Variants in GAREM1 observed in about 807,000 individuals in gnomAD.
The protein encoded by GAREM1 is GRB2-associated and regulator of MAPK protein 1.
A neutral mutation model predicts 71.3 loss-of-function variants in GAREM1; 26 were observed. The ratio of observed to expected loss-of-function variants is 0.36; its 90% CI spans 0.27 to 0.51. The LOEUF is 0.51. GAREM1 is among the 20% of genes least tolerant of loss of function. GAREM1 has a pLI of 0.95. For synonymous variants in GAREM1, 440 were observed against 433.2 expected, an observed-to-expected ratio of 1.02 and a Z score of -0.20; for missense variants, 1,026 against 1,103.1, an observed-to-expected ratio of 0.93 and a Z score of 0.99.
chr18:32,430,959 A>T (rs1448969797), intron 1 of GAREM1, among the ~76,000 whole-genome samples: 1 of 152,198 alleles, frequency 6.6e-6, no homozygotes, highest in Non-Finnish European at 1.5e-5. Context: ...AATGTCAGGG[A>T]TATCACAGAG....
chr18:32,435,590 T>G (rs1218265625), intron 1 of GAREM1, among the ~76,000 whole-genome samples: 1 of 152,060 alleles, frequency 6.6e-6, no homozygotes, highest in East Asian at 1.9e-4. Flanking sequence ...TTTTAAATAA[T>G]GGGAGAAACC....
intron 1 of GAREM1, among the ~76,000 whole-genome samples, chr18:32,425,035 T>C (rs974784024): frequency 6.6e-6 from 1 of 152,132 alleles, no homozygotes; most frequent in African/African-American, 2.4e-5. Context: ...GTGTTTGTGA[T>C]TGAGTAAAGG....
intron 4 of GAREM1, among the ~76,000 whole-genome samples, chr18:32,285,772 C>T (rs1045322940): frequency 3.9e-5 from 6 of 152,182 alleles, no homozygotes; most frequent in African/African-American, 1.2e-4. Flanking sequence ...AAAACTGAGA[C>T]GTACGAGGGG....
chr18:32,291,735 T>C (rs2047090171), intron 3 of GAREM1, among the ~76,000 whole-genome samples: 1 of 149,408 alleles, frequency 6.7e-6, no homozygotes, highest in South Asian at 2.2e-4. Context: ...AGTCAGAACA[T>C]GCAGTGTTTG....
At position 32,419,575 on chromosome 18, in the gene GAREM1, G is replaced by A. The variant is rs536380929; in HGVS notation, c.122-26540C>T. Among the ~76,000 whole-genome samples the A allele has an allele frequency of 2.0e-5, 3 of 152,270 alleles. No homozygotes were observed. In the South Asian group the frequency reaches 6.2e-4, roughly 32 times the overall value. ...CTGGAATGCCAGCCTCCAGAACTGTGAGAAATAAATTTCTGTTGTTTATAA... is the reference window on the plus strand; with the variant it reads ...CTGGAATGCCAGCCTCCAGAACTGTAAGAAATAAATTTCTGTTGTTTATAA... On this transcript the variant is annotated intron_variant, in intron 1 of 5. Transcript: ENST00000269209.
chr18:32,321,153 T>C (rs73956877), intron 2 of GAREM1, among the ~76,000 whole-genome samples: 7,944 of 152,246 alleles, frequency 0.052, 216 homozygotes, highest in South Asian at 0.065. Flanking sequence ...TAAACACTTG[T>C]AGAATAAATG....
chr18:32,269,405 G>A (rs141400688), intron 5 of GAREM1, among the ~76,000 whole-genome samples: 1 of 152,194 alleles, frequency 6.6e-6, no homozygotes, highest in Non-Finnish European at 1.5e-5. Context: ...GGCTCTGGGG[G>A]GTTTTAAGAG....
At chr18:32,411,712 T>A (rs1472061974) in intron 1 of GAREM1, among the ~76,000 whole-genome samples, 1 of 152,104 alleles carries the variant, frequency 6.6e-6, no homozygotes, top group Non-Finnish European at 1.5e-5. Flanking sequence ...TAACTATCAG[T>A]TCAACTACAC....
At chr18:32,355,315 G>A in intron 2 of GAREM1, among the ~76,000 whole-genome samples, 1 of 152,196 alleles carries the variant, frequency 6.6e-6, no homozygotes, top group South Asian at 2.1e-4. Context: ...GGTGAATAAT[G>A]AAGTAATGCT....
chr18:32,417,167 G>T (rs934123941), intron 1 of GAREM1, among the ~76,000 whole-genome samples: 1 of 152,126 alleles, frequency 6.6e-6, no homozygotes, highest in African/African-American at 2.4e-5. Context: ...AAACTACAAT[G>T]AAATATCATT....
intron 4 of GAREM1, among the ~76,000 whole-genome samples, chr18:32,279,962 A>G (rs760338862): frequency 2.0e-5 from 3 of 152,222 alleles, no homozygotes; most frequent in Admixed American, 1.3e-4. Context: ...CCTTATTTCA[A>G]TTAACAAATG....
intron 2 of GAREM1, among the ~76,000 whole-genome samples, chr18:32,347,635 G>A (rs1028934355): frequency 2.6e-5 from 4 of 152,180 alleles, no homozygotes; most frequent in African/African-American, 7.2e-5. Context: ...TTGGAGAAAT[G>A]CCTTAAGATG....
intron 3 of GAREM1, among the ~76,000 whole-genome samples, chr18:32,307,828 C>T (rs1477724785): frequency 6.6e-6 from 1 of 152,120 alleles, no homozygotes; most frequent in Non-Finnish European, 1.5e-5. Flanking sequence ...CTGGCTTAAT[C>T]CAGTCTATTT....
intron 4 of GAREM1, among the ~76,000 whole-genome samples, chr18:32,286,599 C>T (rs1453006082): frequency 1.3e-5 from 2 of 152,120 alleles, no homozygotes; most frequent in African/African-American, 4.8e-5. Flanking sequence ...TGCCTGACAT[C>T]CAACTCACAA....
At position 32,293,136 on chromosome 18, in the gene GAREM1, G is replaced by GACACACAGACACATACAC. The variant is rs2047103210; in HGVS notation, c.394-4934_394-4933insGTGTATGTGTCTGTGTGT. Among the ~76,000 whole-genome samples, 15 of 151,318 alleles carry GACACACAGACACATACAC rather than the reference G, an allele frequency of 9.9e-5. No homozygotes were observed. In the South Asian group the frequency reaches 3.1e-3, roughly 32 times the overall value. ...GCAGTTATACACACAGACACACATAGACACACAGACACACACACACACACA... is the reference window on the plus strand; with the variant it reads ...GCAGTTATACACACAGACACACATAGACACACAGACACATACACACACACAGACACACACACACACACA... On this transcript the variant is annotated intron_variant, in intron 3 of 5. Coordinates refer to ENST00000269209, the MANE Select transcript of GAREM1 (RefSeq NM_001242409.2).
chr18:32,405,390 G>A (rs145445840), intron 1 of GAREM1, among the ~76,000 whole-genome samples: 471 of 152,120 alleles, frequency 3.1e-3, no homozygotes, highest in African/African-American at 0.011. Flanking sequence ...TAGAGACAGG[G>A]TTTTTTCACG....
At chr18:32,343,792 T>C (rs1320926468) in intron 2 of GAREM1, among the ~76,000 whole-genome samples, 2 of 152,198 alleles carry the variant, frequency 1.3e-5, no homozygotes, top group Non-Finnish European at 2.9e-5. Context: ...TCTAGATCCA[T>C]GTGAGCAGTC....
At chr18:32,279,122 G>T (rs1311397377) in intron 4 of GAREM1, among the ~76,000 whole-genome samples, 1 of 152,284 alleles carries the variant, frequency 6.6e-6, no homozygotes. Context: ...AGGAGTGTAC[G>T]TGATAAATAT....
intron 1 of GAREM1, among the ~76,000 whole-genome samples, chr18:32,413,929 A>G (rs2048443666): frequency 6.6e-6 from 1 of 152,154 alleles, no homozygotes; most frequent in South Asian, 2.1e-4. Context: ...GTAACAAAAG[A>G]AAATCACTTT....
Sources: allele counts gnomAD v4.1 joint callset (sites outside exome capture counted in the v4.1 genomes callset), GRCh38; gene constraint gnomAD v4.1.1; transcripts MANE v1.5; gene names NCBI Gene and HGNC (gene_info 2026-07-23, HGNC 2026-07-21).